Variants in CYP2C18 observed in about 807,000 individuals in gnomAD.
CYP2C18 encodes cytochrome P450 2C18.
Under a neutral mutation model 41.3 loss-of-function variants are expected in CYP2C18, and 38 were observed. The observed-to-expected ratio is 0.92, with a 90% CI of 0.71 to 1.21. The LOEUF (loss-of-function observed/expected upper bound fraction) is 1.21, where lower values mean the gene tolerates loss of function less well. Ranked by LOEUF, CYP2C18 falls within the 50% of genes most tolerant of loss-of-function variation. The pLI is 0.00. For missense variants in CYP2C18, 635 were observed against 591.4 expected, an observed-to-expected ratio of 1.07 and a Z score of -0.77; for synonymous variants, 236 against 210.0, an observed-to-expected ratio of 1.12 and a Z score of -1.07.
chr10:94,687,955 T>A, intron 2 of CYP2C18, 23 bp downstream of exon 2: 1 of 1,611,460 alleles, frequency 6.2e-7, no homozygotes, highest in Non-Finnish European at 8.5e-7. Flanking sequence ...GTATCGTGTG[T>A]ATGTGTACAT....
chr10:94,721,621 C>T (rs1042871052), intron 6 of CYP2C18, among the ~76,000 whole-genome samples: 1 of 152,072 alleles, frequency 6.6e-6, no homozygotes, highest in Non-Finnish European at 1.5e-5. Flanking sequence ...CACCTTTCCA[C>T]CTTTTGGACT....
chr10:94,688,836 T>A (rs1412163395), intron 3 of CYP2C18, among the ~76,000 whole-genome samples: 3 of 152,224 alleles, frequency 2.0e-5, no homozygotes, highest in Non-Finnish European at 4.4e-5. Flanking sequence ...TTGTGGGTTA[T>A]CTATTCTAGA....
chr10:94,693,226 G>T (rs901402283), intron 3 of CYP2C18, among the ~76,000 whole-genome samples: 8 of 152,152 alleles, frequency 5.3e-5, no homozygotes, highest in African/African-American at 1.9e-4. Flanking sequence ...GATCATGGGG[G>T]TGGATTTTTC....
In CYP2C18 at chr10:94,733,395, T is replaced by C; in HGVS notation, c.1248T>C (p.Ser416=). Residue 416 remains serine (S), a synonymous_variant, in exon 8 of 9, where the codon AGT becomes AGC. Coordinates refer to ENST00000285979, the MANE Select transcript of CYP2C18 (RefSeq NM_000772.3). ...ACCCTGGCCACTTTCTGGATAAGAGTGGCAACTTTAAGAAAAGTGACTACT... is the reference window on the plus strand; with the variant it reads ...ACCCTGGCCACTTTCTGGATAAGAGCGGCAACTTTAAGAAAAGTGACTACT... ...MFDPGHFLDK[S]GNFKKSDYFM... is the part of the protein sequence containing the mutation. The C allele has an allele frequency of 3.1e-6, 5 of 1,613,328 alleles. No homozygotes were observed. Among genetic ancestry groups the C allele is most frequent in the Non-Finnish European group, 3.4e-6 (4 of 1,179,534 alleles).
chr10:94,724,297 A>G (rs781118980), intron 6 of CYP2C18, 49 bp from the exon 7 acceptor site: 3 of 1,585,546 alleles, frequency 1.9e-6, no homozygotes, highest in Non-Finnish European at 2.6e-6. Context: ...GCTACAACAA[A>G]TGTGCCATTT....
intron 3 of CYP2C18, among the ~76,000 whole-genome samples, chr10:94,689,734 T>C (rs564691221): frequency 6.6e-6 from 1 of 152,304 alleles, no homozygotes; most frequent in East Asian, 1.9e-4. Flanking sequence ...CCGTACATGT[T>C]CTGTACAGAT....
chr10:94,694,875 T>G (rs986205274), intron 3 of CYP2C18, 42 bp from the exon 4 acceptor site: 1 of 1,580,730 alleles, frequency 6.3e-7, no homozygotes, highest in Middle Eastern at 2.3e-4. Context: ...GTATTTTATA[T>G]GTATATTTTA....
chr10:94,693,825 G>A (rs1438454017), intron 3 of CYP2C18, among the ~76,000 whole-genome samples: 1 of 152,102 alleles, frequency 6.6e-6, no homozygotes, highest in Non-Finnish European at 1.5e-5. Flanking sequence ...CACATGTAAA[G>A]TTCATTGATG....
At chr10:94,717,355 G>C (rs74533635) in intron 5 of CYP2C18, among the ~76,000 whole-genome samples, 8 of 152,030 alleles carry the variant, frequency 5.3e-5, no homozygotes, top group South Asian at 4.1e-4. Flanking sequence ...CTTCCTTCTG[G>C]TGCTCTTGTA....
intron 5 of CYP2C18, among the ~76,000 whole-genome samples, chr10:94,714,470 C>G (rs556178821): frequency 3.5e-4 from 54 of 152,202 alleles, no homozygotes; most frequent in Non-Finnish European, 6.6e-4. Context: ...TCAGGTTTGT[C>G]AAAGATCAGA....
At chr10:94,700,866 A>G (rs1340300880) in intron 4 of CYP2C18, among the ~76,000 whole-genome samples, 1 of 152,262 alleles carries the variant, frequency 6.6e-6, no homozygotes, top group Non-Finnish European at 1.5e-5. Flanking sequence ...GACACATGAA[A>G]AAATGCTCAT....
At chr10:94,712,065 C>G (rs1159545863) in intron 5 of CYP2C18, among the ~76,000 whole-genome samples, 4 of 127,402 alleles carry the variant, frequency 3.1e-5, no homozygotes, top group Admixed American at 1.8e-4. Flanking sequence ...CTAGGCTAGT[C>G]TTGAACTTCT....
At chr10:94,712,354 C>T (rs976268219) in intron 5 of CYP2C18, among the ~76,000 whole-genome samples, 2 of 151,840 alleles carry the variant, frequency 1.3e-5, no homozygotes, top group Admixed American at 6.6e-5. Flanking sequence ...TTTCCCCCCG[C>T]CCCCAAGCCC....
intron 4 of CYP2C18, among the ~76,000 whole-genome samples, chr10:94,697,591 A>G (rs4329608): frequency 0.45 from 68,445 of 152,006 alleles, 16,978 homozygotes; most frequent in Admixed American, 0.61. Context: ...AAAATAACCA[A>G]CTAACATCAT....
rs762072632 is a variant in CYP2C18 at position 94,683,918 on chromosome 10, C to G, written c.99C>G (p.Pro33=). 3.1e-6 allele frequency: 5 copies of G among 1,610,950 alleles called. No homozygotes were observed. The highest frequency in any genetic ancestry group is 1.7e-4 in the Middle Eastern group (1 of 6,034). ...GAAGAGGGAGGCTCCCGTCTGGCCC[C>G]ACTCCTCTCCCGATTATTGGAAATA... ...SSGRGRLPSG[P]TPLPIIGNIL... The change falls in exon 1 of 9, where the codon CCC becomes CCG. Residue 33 remains proline, a synonymous_variant. Transcript: ENST00000285979.
chr10:94,697,168 C>T (rs1284669944), intron 4 of CYP2C18, among the ~76,000 whole-genome samples: 1 of 152,088 alleles, frequency 6.6e-6, no homozygotes, highest in Non-Finnish European at 1.5e-5. Flanking sequence ...AACTCCAAGA[C>T]ACATAATTGT....
chr10:94,716,172 C>G (rs891416883), intron 5 of CYP2C18, among the ~76,000 whole-genome samples: 29 of 152,034 alleles, frequency 1.9e-4, no homozygotes, highest in Non-Finnish European at 4.1e-4. Context: ...GTTTTTGTGT[C>G]TCTATCTCCT....
intron 3 of CYP2C18, among the ~76,000 whole-genome samples, chr10:94,689,391 A>T (rs1303782596): frequency 6.6e-6 from 1 of 150,942 alleles, no homozygotes; most frequent in South Asian, 2.1e-4. Flanking sequence ...CATCTTGGGG[A>T]TTTTGTGGTC....
intron 3 of CYP2C18, among the ~76,000 whole-genome samples, chr10:94,693,149 A>C (rs1847042647): frequency 6.6e-6 from 1 of 152,090 alleles, no homozygotes; most frequent in Admixed American, 6.6e-5. Flanking sequence ...TGTACCCTAA[A>C]ATTTAAAGTA....
Sources: gnomAD v4.1 joint callset for allele counts (sites outside exome capture counted in the v4.1 genomes callset) on GRCh38, gnomAD v4.1.1 for gene constraint, MANE v1.5 for transcripts, NCBI Gene and HGNC (gene_info 2026-07-23, HGNC 2026-07-21) for gene names.